The following MC1R variants were observed in gnomAD, a reference collection of about 807,000 sequenced individuals.
MC1R encodes melanocortin 1 receptor, also known as melanocyte-stimulating hormone receptor.
For synonymous variants in MC1R, 263 were observed against 203.8 expected, an observed-to-expected ratio of 1.29 and a Z score of -2.47; for missense variants, 542 against 430.0, an observed-to-expected ratio of 1.26 and a Z score of -2.30.
chr16:89,918,878 C>T lies in MC1R; in HGVS notation c.-381C>T. 3.7e-6 allele frequency: 1 copy of T among 270,976 alleles called. No homozygotes were observed. Among genetic ancestry groups the T allele is most frequent in the East Asian group, 5.5e-5 (1 of 18,154 alleles). 16.8% of individuals were successfully genotyped at this position (270,976 alleles called of 1,614,324 possible). On this transcript the variant is annotated 5_prime_UTR_variant, in exon 1 of 1. Transcript: ENST00000555147. ...AAAAGCTCCATTCTTCCCAGGACCT[C>T]AGCGCAGCCCTGGCCCAGGAAGGCA...
Position 89,918,969 on chromosome 16 carries a change from G to T in MC1R, c.-290G>T. 1 of 481,328 alleles carries T rather than the reference G, an allele frequency of 2.1e-6. No homozygotes were observed. Among genetic ancestry groups the T allele is most frequent in the Admixed American group, 3.6e-5 (1 of 27,822 alleles). 29.8% of individuals were successfully genotyped at this position (481,328 alleles called of 1,614,324 possible). A position where few individuals can be genotyped will look rare whatever the true frequency, so the allele number is the denominator to read the frequency against. ...CTGGGGACCTGAGCAGCAGCCACCA[G>T]GGAAGAGGCAGGGAGGGAGCTGAGG... On this transcript the variant is annotated 5_prime_UTR_variant, in exon 1 of 1. It adds an upstream start codon to the 5' untranslated region. Coordinates refer to ENST00000555147, the MANE Select transcript of MC1R (RefSeq NM_002386.4).
At position 89,919,728 on chromosome 16, in the gene MC1R, C is replaced by T. The variant is rs104894524; in HGVS notation, c.470C>T (p.Thr157Ile). Residue 157 changes from threonine (T) to isoleucine (I), a missense_variant, in exon 1 of 1, where the codon ACC becomes ATC. Physicochemically the swap from Thr to Ile is moderately conservative, Grantham distance 89 (BLOSUM62 -1). Transcript: ENST00000555147. ...FYALRYHSIV[T>I]LPRARRAVAA... ...GCACTGCGCTACCACAGCATCGTGA[C>T]CCTGCCGCGGGCGCGGCGAGCCGTT... 7 of 1,606,208 alleles carry T rather than the reference C, an allele frequency of 4.4e-6. No individual in the cohort carries two copies. In the East Asian group the frequency reaches 8.9e-5, roughly 20 times the overall value.
chr16:89,919,286 C>T lies in MC1R; in HGVS notation c.28C>T (p.Leu10Phe). 2 of 1,598,534 alleles carry T rather than the reference C, an allele frequency of 1.3e-6. No individual in the cohort carries two copies. The highest frequency in any genetic ancestry group is 1.7e-5 in the Admixed American group (1 of 57,526). Residue 10 changes from leucine to phenylalanine, a missense_variant, in exon 1 of 1, where the codon CTT becomes TTT. Leu to Phe is a conservative substitution (Grantham distance 22). Coordinates refer to ENST00000555147, the MANE Select transcript of MC1R (RefSeq NM_002386.4). MAVQGSQRR[L>F]LGSLNSTPTA... ...GGCTGTGCAGGGATCCCAGAGAAGA[C>T]TTCTGGGCTCCCTCAACTCCACCCC... is the stretch of plus-strand genomic sequence containing the variant.
In MC1R at chr16:89,919,601, C is replaced by T. The variant is rs372222289; in HGVS notation, c.343C>T (p.Gln115Ter). ...ALVARAAVLQ[Q>*]LDNVIDVITC... ...GGTGGCCCGGGCTGCGGTGCTGCAG[C>T]AGCTGGACAATGTCATTGACGTGAT... is the stretch of plus-strand genomic sequence containing the variant. Residue 115 changes from glutamine to a stop codon, truncating the protein, a stop_gained, in exon 1 of 1, where the codon CAG (glutamine) becomes TAG (stop). Coordinates refer to ENST00000555147, the MANE Select transcript of MC1R (RefSeq NM_002386.4). LOFTEE classifies it low-confidence loss of function (END_TRUNC). 4 of 1,608,980 alleles carry T rather than the reference C, an allele frequency of 2.5e-6. No individual in the cohort carries two copies. The highest frequency in any genetic ancestry group is 2.7e-5 in the African/African-American group (2 of 74,936).
In MC1R at chr16:89,920,391, C is replaced by T. The variant is rs182215467; in HGVS notation, c.*179C>T. On this transcript the variant is annotated 3_prime_UTR_variant, in exon 1 of 1. Transcript: ENST00000555147. ...GACCCTTCTGGGTCCAGGGAGGGGT[C>T]CCTGCAAAACTCCAGGCAGGACTTC... 36 of 633,098 alleles carry T rather than the reference C, an allele frequency of 5.7e-5. No homozygotes were observed. The African/African-American group carries it at 6.5e-4, about 11-fold the overall frequency. The allele number at this position is 633,098 out of a possible 1,614,324, so 39.2% of individuals were successfully genotyped here. A position where few individuals can be genotyped will look rare whatever the true frequency, so the allele number is the denominator to read the frequency against.
In MC1R at chr16:89,919,325, C is replaced by T. The variant is rs201533137; in HGVS notation, c.67C>T (p.Gln23Ter). Reference protein sequence around the residue: ...SLNSTPTAIPQLGLAANQTGA... With the variant: ...SLNSTPTAIP ...CAACTCCACCCCCACAGCCATCCCCCAGCTGGGGCTGGCTGCCAACCAGAC... is the reference window on the plus strand; with the variant it reads ...CAACTCCACCCCCACAGCCATCCCCTAGCTGGGGCTGGCTGCCAACCAGAC... The change falls in exon 1 of 1, where the codon CAG (glutamine) becomes TAG (stop). Residue 23 changes from glutamine (Q) to a stop codon, truncating the protein, a stop_gained. Coordinates refer to ENST00000555147, the MANE Select transcript of MC1R (RefSeq NM_002386.4). LOFTEE classifies it low-confidence loss of function (END_TRUNC). 404 of 1,612,270 alleles carry T rather than the reference C, an allele frequency of 2.5e-4. 1 individual carries two copies. The African/African-American group carries it at 5.0e-3, about 20-fold the overall frequency.
In MC1R at chr16:89,919,781, T is replaced by C; in HGVS notation, c.523T>C (p.Phe175Leu). The change falls in exon 1 of 1, where the codon TTC becomes CTC. Residue 175 changes from phenylalanine to leucine, a missense_variant. Coordinates refer to ENST00000555147, the MANE Select transcript of MC1R (RefSeq NM_002386.4). ...VAAIWVASVV[F>L]STLFIAYYDH... ...GGCCATCTGGGTGGCCAGTGTCGTC[T>C]TCAGCACGCTCTTCATCGCCTACTA... 6.2e-7 allele frequency: 1 copy of C among 1,608,558 alleles called. No homozygotes were observed. Among genetic ancestry groups the C allele is most frequent in the Non-Finnish European group, 8.5e-7 (1 of 1,179,838 alleles).
rs1396609141 is a variant in MC1R, at chr16:89,920,044, A to T, written c.786A>T (p.Thr262=). 7 of 1,613,174 alleles carry T rather than the reference A, an allele frequency of 4.3e-6. No homozygotes were observed. The highest frequency in any genetic ancestry group is 5.9e-6 in the Non-Finnish European group (7 of 1,179,784). The change falls in exon 1 of 1, where the codon ACA becomes ACT. Residue 262 remains threonine, a synonymous_variant. Transcript: ENST00000555147. The part of the protein sequence containing the change: ...LCWGPFFLHL[T]LIVLCPEHPT... ...GGGGCCCCTTCTTCCTGCATCTCAC[A>T]CTCATCGTCCTCTGCCCCGAGCACC...
In MC1R at chr16:89,920,666, C is replaced by A. The variant is rs1400462897; in HGVS notation, c.*454C>A. On this transcript the variant is annotated 3_prime_UTR_variant, in exon 1 of 1. Coordinates refer to ENST00000555147, the MANE Select transcript of MC1R (RefSeq NM_002386.4). The stretch of plus-strand genomic sequence containing the variant: ...TGTGTGCCAAGAGCTACTCCCACAG[C>A]AGCCCCAGGAGAAGGGGCTTTGTGA... 1.4e-6 allele frequency: 1 copy of A among 716,768 alleles called. No individual in the cohort carries two copies. The highest frequency in any genetic ancestry group is 1.5e-5 in the South Asian group (1 of 67,544). The allele number at this position is 716,768 out of a possible 1,614,324, so 44.4% of individuals were successfully genotyped here. A position where few individuals can be genotyped will look rare whatever the true frequency, so the allele number is the denominator to read the frequency against.
Position 89,920,946 on chromosome 16 carries a change from G to T in MC1R, c.*734G>T. ...GTGAGCATGGGGCCAGGAAAGTCTG[G>T]TAATAAATGTGACTCAGCATCACCC... On this transcript the variant is annotated 3_prime_UTR_variant, in exon 1 of 1. Coordinates refer to ENST00000555147, the MANE Select transcript of MC1R (RefSeq NM_002386.4). The T allele has an allele frequency of 1.9e-6, 1 of 518,920 alleles. No homozygotes were observed. The highest frequency in any genetic ancestry group is 3.5e-6 in the Non-Finnish European group (1 of 285,580). 32.1% of individuals were successfully genotyped at this position (518,920 alleles called of 1,614,324 possible). A position where few individuals can be genotyped will look rare whatever the true frequency, so the allele number is the denominator to read the frequency against.
rs369807854 is a variant in MC1R at position 89,919,922 on chromosome 16, G to T, written c.664G>T (p.Ala222Ser). The change falls in exon 1 of 1, where the codon GCC becomes TCC. Residue 222 changes from alanine (A) to serine (S), a missense_variant. Ala to Ser is a moderately conservative substitution (Grantham distance 99). Transcript: ENST00000555147. The part of the protein sequence containing the change: ...ARACQHAQGI[A>S]RLHKRQRPVH... ...GGCCTGCCAGCACGCCCAGGGCATCGCCCGGCTCCACAAGAGGCAGCGCCC... is the reference window on the plus strand; with the variant it reads ...GGCCTGCCAGCACGCCCAGGGCATCTCCCGGCTCCACAAGAGGCAGCGCCC... 2.5e-6 allele frequency: 4 copies of T among 1,609,412 alleles called. No individual in the cohort carries two copies. Among genetic ancestry groups the T allele is most frequent in the Non-Finnish European group, 2.5e-6 (3 of 1,179,800 alleles).
rs1271566138 is a variant in MC1R, at chr16:89,919,303, C to G, written c.45C>G (p.Asn15Lys). 3.7e-6 allele frequency: 6 copies of G among 1,608,796 alleles called. No individual in the cohort carries two copies. Among genetic ancestry groups the G allele is most frequent in the African/African-American group, 2.7e-5 (2 of 74,850 alleles). The change falls in exon 1 of 1, where the codon AAC (asparagine) becomes AAG (lysine). Residue 15 changes from asparagine to lysine, a missense_variant. By Grantham distance (94) the Asn-to-Lys change is moderately conservative. Transcript: ENST00000555147. Reference sequence around the variant, plus strand: ...AGAGAAGACTTCTGGGCTCCCTCAACTCCACCCCCACAGCCATCCCCCAGC... The same window carrying G: ...AGAGAAGACTTCTGGGCTCCCTCAAGTCCACCCCCACAGCCATCCCCCAGC... ...GSQRRLLGSL[N>K]STPTAIPQLG...
chr16:89,920,972 A>C lies in MC1R; in HGVS notation c.*760A>C. 1 of 456,432 alleles carries C rather than the reference A, an allele frequency of 2.2e-6. No homozygotes were observed. 28.3% of individuals were successfully genotyped at this position (456,432 alleles called of 1,614,324 possible). A position where few individuals can be genotyped will look rare whatever the true frequency, so the allele number is the denominator to read the frequency against. On this transcript the variant is annotated 3_prime_UTR_variant, in exon 1 of 1. Coordinates refer to ENST00000555147, the MANE Select transcript of MC1R (RefSeq NM_002386.4). ...TAATAAATGTGACTCAGCATCACCCACCTTAGCCCCTTCCAGAAAGTGCTT... is the reference window on the plus strand; with the variant it reads ...TAATAAATGTGACTCAGCATCACCCCCCTTAGCCCCTTCCAGAAAGTGCTT...
In MC1R at chr16:89,919,415, TTGG is replaced by T. The variant is rs779655156; in HGVS notation, c.161_163del (p.Val54del). The T allele has an allele frequency of 1.2e-5, 20 of 1,613,156 alleles. No individual in the cohort carries two copies. Among genetic ancestry groups the T allele is most frequent in the Admixed American group, 3.3e-5 (2 of 59,998 alleles). ...CTTCCTCAGCCTGGGGCTGGTGAGCTTGGTGGAGAACGCGCTGGTGGTGGCCAC... is the reference window on the plus strand; with the variant it reads ...CTTCCTCAGCCTGGGGCTGGTGAGCTTGGAGAACGCGCTGGTGGTGGCCAC... On this transcript the variant is annotated inframe_deletion, in exon 1 of 1. Transcript: ENST00000555147.
chr16:89,920,883 A>T lies in MC1R; in HGVS notation c.*671A>T. The T allele has an allele frequency of 1.7e-6, 1 of 596,258 alleles. No homozygotes were observed. 36.9% of individuals were successfully genotyped at this position (596,258 alleles called of 1,614,324 possible). ...TTTCCTGCAGCAGTCGCCCAAGCAG[A>T]CAGCCCTGGCAAATGCCTGACTCAG... On this transcript the variant is annotated 3_prime_UTR_variant, in exon 1 of 1. Transcript: ENST00000555147.
At position 89,920,123 on chromosome 16, in the gene MC1R, T is replaced by C. The variant is rs369542041; in HGVS notation, c.865T>C (p.Cys289Arg). The change falls in exon 1 of 1, where the codon TGC becomes CGC. Residue 289 changes from cysteine to arginine, a missense_variant. Transcript: ENST00000555147. ...CAACCTCTTTCTCGCCCTCATCATC[T>C]GCAATGCCATCATCGACCCCCTCAT... ...NFNLFLALII[C>R]NAIIDPLIYA... 40 of 1,613,904 alleles carry C rather than the reference T, an allele frequency of 2.5e-5. No homozygotes were observed. Among genetic ancestry groups the C allele is most frequent in the Admixed American group, 2.3e-4 (14 of 59,998 alleles).
At position 89,919,477 on chromosome 16, in the gene MC1R, G is replaced by T; in HGVS notation, c.219G>T (p.Met73Ile). The T allele has an allele frequency of 6.2e-7, 1 of 1,613,324 alleles. No individual in the cohort carries two copies. The highest frequency in any genetic ancestry group is 8.5e-7 in the Non-Finnish European group (1 of 1,179,868). The change falls in exon 1 of 1, where the codon ATG becomes ATT. Residue 73 changes from methionine to isoleucine, a missense_variant. Physicochemically the swap from Met to Ile is conservative, Grantham distance 10 (BLOSUM62 1). Coordinates refer to ENST00000555147, the MANE Select transcript of MC1R (RefSeq NM_002386.4). ...AGAACCGGAACCTGCACTCACCCAT[G>T]TACTGCTTCATCTGCTGCCTGGCCT... ...IAKNRNLHSP[M>I]YCFICCLALS... is the part of the protein sequence containing the mutation.
In MC1R at chr16:89,919,984, C is replaced by T. The variant is rs780347303; in HGVS notation, c.726C>T (p.Thr242=). 1.4e-5 allele frequency: 23 copies of T among 1,613,212 alleles called. No homozygotes were observed. Among genetic ancestry groups the T allele is most frequent in the Middle Eastern group, 1.6e-4 (1 of 6,084 alleles). The change falls in exon 1 of 1, where the codon ACC becomes ACT. Residue 242 remains threonine, a synonymous_variant. Transcript: ENST00000555147. ...GCTTTGGCCTTAAAGGCGCTGTCAC[C>T]CTCACCATCCTGCTGGGCATTTTCT... The part of the protein sequence containing the change: ...HQGFGLKGAV[T]LTILLGIFFL...
In MC1R at chr16:89,920,098, C is replaced by T; in HGVS notation, c.840C>T (p.Phe280=). Residue 280 remains phenylalanine (F), a synonymous_variant, in exon 1 of 1, where the codon TTC becomes TTT. Coordinates refer to ENST00000555147, the MANE Select transcript of MC1R (RefSeq NM_002386.4). ...CGTGCGGCTGCATCTTCAAGAACTT[C>T]AACCTCTTTCTCGCCCTCATCATCT... ...HPTCGCIFKN[F]NLFLALIICN... 1.2e-6 allele frequency: 2 copies of T among 1,613,946 alleles called. No individual in the cohort carries two copies. The highest frequency in any genetic ancestry group is 1.7e-6 in the Non-Finnish European group (2 of 1,179,894).
Sources: allele counts gnomAD v4.1 joint callset, GRCh38; gene constraint gnomAD v4.1.1; transcripts MANE v1.5; gene names NCBI Gene and HGNC (gene_info 2026-07-23, HGNC 2026-07-21).